The following CDKAL1 variants were observed in gnomAD, a reference collection of about 807,000 sequenced individuals.
The protein encoded by CDKAL1 is CDKAL1 threonylcarbamoyladenosine tRNA methylthiotransferase, also known as threonylcarbamoyladenosine tRNA methylthiotransferase.
In CDKAL1, 32 loss-of-function variants were observed where a neutral mutation model predicts 68.2. The ratio of observed to expected loss-of-function variants is 0.47; its 90% CI spans 0.35 to 0.63. The LOEUF is 0.63. Ranked by LOEUF, CDKAL1 falls within the 30% of genes least tolerant of loss-of-function variation. CDKAL1 has a pLI of 0.00. For synonymous variants in CDKAL1, 234 were observed against 244.3 expected, an observed-to-expected ratio of 0.96 and a Z score of 0.39; for missense variants, 606 against 696.7, an observed-to-expected ratio of 0.87 and a Z score of 1.47.
Position 20,901,026 on chromosome 6 carries a change from T to C in CDKAL1, c.743-54393T>C, listed in dbSNP as rs183143774. ...ACAAGGTAATGTCCATTGGAGCTCATGTATTATTATATGAACATTGGAGTT... is the reference window on the plus strand; with the variant it reads ...ACAAGGTAATGTCCATTGGAGCTCACGTATTATTATATGAACATTGGAGTT... On this transcript the variant is annotated intron_variant, in intron 9 of 15. Coordinates refer to ENST00000274695, the MANE Select transcript of CDKAL1 (RefSeq NM_017774.3). 1.3e-4 allele frequency among the ~76,000 whole-genome samples: 20 copies of C among 152,292 alleles called. No homozygotes were observed. In the East Asian group the frequency reaches 3.5e-3, roughly 27 times the overall value.
intron 4 of CDKAL1, among the ~76,000 whole-genome samples, chr6:20,584,918 A>G (rs868118892): frequency 6.6e-5 from 10 of 152,206 alleles, no homozygotes; most frequent in East Asian, 3.9e-4. Context: ...CGTTACTTGT[A>G]TACTCATCCT....
intron 9 of CDKAL1, among the ~76,000 whole-genome samples, chr6:20,939,916 T>C (rs1763892882): frequency 6.6e-6 from 1 of 152,202 alleles, no homozygotes. Flanking sequence ...TTATAACTTA[T>C]AAATAATGGT....
intron 8 of CDKAL1, among the ~76,000 whole-genome samples, chr6:20,807,266 C>T (rs908578521): frequency 7.2e-5 from 11 of 152,058 alleles, no homozygotes; most frequent in Admixed American, 3.3e-4. Context: ...TGTGTTGCCC[C>T]AGGCTGGAGT....
chr6:21,095,420 AT>A (rs1483097346), intron 12 of CDKAL1, among the ~76,000 whole-genome samples: 2 of 152,202 alleles, frequency 1.3e-5, no homozygotes, highest in African/African-American at 4.8e-5. Flanking sequence ...ACATGGGTTG[AT>A]TTCTGAAAGA....
At chr6:21,092,416 G>GC (rs972640511) in intron 12 of CDKAL1, among the ~76,000 whole-genome samples, 2 of 151,722 alleles carry the variant, frequency 1.3e-5, no homozygotes, top group Non-Finnish European at 2.9e-5. Context: ...CCCTCCTTTT[G>GC]CCCCCCACTC....
intron 2 of CDKAL1, among the ~76,000 whole-genome samples, chr6:20,544,595 C>CAA (rs747920604): frequency 6.5e-4 from 37 of 56,674 alleles, no homozygotes; most frequent in South Asian, 2.1e-3. Flanking sequence ...AACTCCGTCT[C>CAA]AAAAAAAAAA....
chr6:20,651,529 A>G (rs146526115), intron 5 of CDKAL1, among the ~76,000 whole-genome samples: 1,590 of 152,244 alleles, frequency 0.01, 28 homozygotes, highest in African/African-American at 0.036. Context: ...CTCTCTTTCT[A>G]TTTGAATACG....
At chr6:21,140,917 G>A (rs1411266547) in intron 13 of CDKAL1, among the ~76,000 whole-genome samples, 1 of 152,158 alleles carries the variant, frequency 6.6e-6, no homozygotes, top group Non-Finnish European at 1.5e-5. Flanking sequence ...TTACATGGCG[G>A]CGCCAGGAGA....
At chr6:20,811,199 A>G (rs1243151875) in intron 8 of CDKAL1, among the ~76,000 whole-genome samples, 2 of 152,236 alleles carry the variant, frequency 1.3e-5, no homozygotes, top group South Asian at 4.2e-4. Flanking sequence ...TTGATTTTTC[A>G]CTGATTTTTT....
intron 12 of CDKAL1, among the ~76,000 whole-genome samples, chr6:21,104,034 G>A (rs1773720781): frequency 6.6e-6 from 1 of 152,138 alleles, no homozygotes; most frequent in African/African-American, 2.4e-5. Flanking sequence ...AGTAATAATG[G>A]CCGTGTTTTA....
intron 4 of CDKAL1, among the ~76,000 whole-genome samples, chr6:20,621,774 G>GT (rs10687080): frequency 0.11 from 15,615 of 147,676 alleles, 1,207 homozygotes; most frequent in African/African-American, 0.22. Flanking sequence ...ATACCTCAGT[G>GT]TTTTTTTTTT....
At chr6:20,613,217 C>T (rs1766710869) in intron 4 of CDKAL1, among the ~76,000 whole-genome samples, 1 of 128,718 alleles carries the variant, frequency 7.8e-6, no homozygotes, top group African/African-American at 2.9e-5. Flanking sequence ...ATTTGGTTAC[C>T]TTGTTTTATC....
chr6:20,923,659 TACAAAGGCCTCTAAGTG>T (rs1561887632), intron 9 of CDKAL1, among the ~76,000 whole-genome samples: 1 of 152,172 alleles, frequency 6.6e-6, no homozygotes, highest in Non-Finnish European at 1.5e-5. Context: ...CTTAGAGGCC[TACAAAGGCCTCTAAGTG>T]TTCAAGTGAG....
At chr6:20,719,414 C>A (rs1295469130) in intron 5 of CDKAL1, among the ~76,000 whole-genome samples, 1 of 152,124 alleles carries the variant, frequency 6.6e-6, no homozygotes, top group Non-Finnish European at 1.5e-5. Context: ...AGTTTTGTTT[C>A]TACTAATACG....
intron 13 of CDKAL1, among the ~76,000 whole-genome samples, chr6:21,150,079 C>T (rs1252547856): frequency 6.6e-6 from 1 of 151,808 alleles, no homozygotes; most frequent in Non-Finnish European, 1.5e-5. Flanking sequence ...AGGTTGGTCT[C>T]GATCTCCTGA....
chr6:21,193,317 A>C (rs1041386120), intron 13 of CDKAL1, among the ~76,000 whole-genome samples: 1 of 152,172 alleles, frequency 6.6e-6, no homozygotes, highest in Non-Finnish European at 1.5e-5. Flanking sequence ...AGAGAGAGAG[A>C]GAGAGAACAA....
intron 11 of CDKAL1, among the ~76,000 whole-genome samples, chr6:21,016,641 C>T (rs1768354246): frequency 6.6e-6 from 1 of 151,568 alleles, no homozygotes; most frequent in Admixed American, 6.6e-5. Flanking sequence ...TCCATCCATC[C>T]ATCCATCCAT....
At chr6:20,598,106 G>A (rs1182849987) in intron 4 of CDKAL1, among the ~76,000 whole-genome samples, 2 of 152,200 alleles carry the variant, frequency 1.3e-5, no homozygotes, top group Non-Finnish European at 2.9e-5. Context: ...TGATAGTGCT[G>A]TAATAGGAAC....
At chr6:20,781,655 A>G (rs1040829827) in intron 8 of CDKAL1, among the ~76,000 whole-genome samples, 2 of 152,146 alleles carry the variant, frequency 1.3e-5, no homozygotes, top group Admixed American at 6.5e-5. Flanking sequence ...CCACGTTTTG[A>G]TTATTCACTA....
Sources: allele counts gnomAD v4.1 joint callset (sites outside exome capture counted in the v4.1 genomes callset), GRCh38; gene constraint gnomAD v4.1.1; transcripts MANE v1.5; gene names NCBI Gene and HGNC (gene_info 2026-07-23, HGNC 2026-07-21).